Variants in SLAIN2 observed in about 807,000 individuals in gnomAD.
The protein encoded by SLAIN2 is SLAIN motif-containing protein 2.
SLAIN2 carries 31 observed loss-of-function variants against 56.6 expected under a neutral mutation model. That is an observed-to-expected ratio of 0.55 (90% CI 0.41 to 0.74). SLAIN2 has a LOEUF of 0.74. Among genes scored for constraint, SLAIN2 ranks in the 30% least tolerant of loss-of-function variants. The pLI, the probability that SLAIN2 is intolerant of heterozygous loss-of-function variation, is 0.00. For missense variants in SLAIN2, 777 were observed against 754.2 expected (o/e 1.03, Z -0.35); for synonymous variants, 317 against 284.9 (o/e 1.11, Z -1.13).
chr4:48,362,747 ATTC>A (rs1715365611), intron 1 of SLAIN2, among the ~76,000 whole-genome samples: 2 of 51,528 alleles, frequency 3.9e-5, no homozygotes, highest in Non-Finnish European at 8.5e-5. Flanking sequence ...TTTTTTTTTT[ATTC>A]TTTTTTTTTT....
chr4:48,414,820 G>C (rs1436849385), intron 6 of SLAIN2, among the ~76,000 whole-genome samples: 1 of 56,844 alleles, frequency 1.8e-5, no homozygotes, highest in Non-Finnish European at 3.4e-5. Flanking sequence ...TTGGTTTTTT[G>C]TTCTTGCGAT....
At chr4:48,398,539 C>CT (rs1450101645) in intron 6 of SLAIN2, among the ~76,000 whole-genome samples, 2 of 152,274 alleles carry the variant, frequency 1.3e-5, no homozygotes, top group South Asian at 4.1e-4. Context: ...GTTGCAATTG[C>CT]TTTTGGCATT....
chr4:48,393,386 T>TTGTGTGTGTGTGTGTGTGTGTGTG (rs57142552), intron 6 of SLAIN2, among the ~76,000 whole-genome samples: 32 of 135,344 alleles, frequency 2.4e-4, no homozygotes, highest in Non-Finnish European at 4.2e-4. Flanking sequence ...CATGTCTGGC[T>TTGTGTGTGTGTGTGTGTGTGTGTG]TGTGTGTGTG....
intron 6 of SLAIN2, among the ~76,000 whole-genome samples, chr4:48,393,213 AAATACAAAAATT>A (rs1353130899): frequency 6.6e-6 from 1 of 152,042 alleles, no homozygotes; most frequent in Non-Finnish European, 1.5e-5. Flanking sequence ...TCTCTACTAA[AAATACAAAAATT>A]AATACAAAAA....
intron 2 of SLAIN2, among the ~76,000 whole-genome samples, chr4:48,372,971 C>G (rs1014653327): frequency 6.6e-6 from 1 of 152,008 alleles, no homozygotes; most frequent in African/African-American, 2.4e-5. Flanking sequence ...GTTATTACTC[C>G]TTCACACTCA....
chr4:48,421,283 A>G (rs1717151061), intron 7 of SLAIN2, among the ~76,000 whole-genome samples: 1 of 152,148 alleles, frequency 6.6e-6, no homozygotes, highest in Admixed American at 6.5e-5. Flanking sequence ...CTGGGATTAC[A>G]GTTGCTGGTT....
chr4:48,397,383 A>G (rs780806514), intron 6 of SLAIN2, among the ~76,000 whole-genome samples: 1 of 152,166 alleles, frequency 6.6e-6, no homozygotes, highest in Admixed American at 6.5e-5. Context: ...TACAGAAGGA[A>G]AGAGGCAACT....
chr4:48,390,640 A>G (rs188601550), intron 6 of SLAIN2, among the ~76,000 whole-genome samples: 3 of 152,346 alleles, frequency 2.0e-5, no homozygotes, highest in Admixed American at 2.0e-4. Context: ...TAAAATCAAC[A>G]TTATAATACA....
chr4:48,386,107 A>AAC (rs1560459322), intron 6 of SLAIN2, among the ~76,000 whole-genome samples: 2 of 147,148 alleles, frequency 1.4e-5, no homozygotes, highest in African/African-American at 2.5e-5. Flanking sequence ...AAAAAAAAAA[A>AAC]AAGCTACGAA....
chr4:48,419,471 G>A (rs572188390), intron 6 of SLAIN2, among the ~76,000 whole-genome samples: 1 of 152,224 alleles, frequency 6.6e-6, no homozygotes, highest in Admixed American at 6.5e-5. Flanking sequence ...CATCATCTCG[G>A]CTCACTGCAG....
intron 1 of SLAIN2, among the ~76,000 whole-genome samples, chr4:48,368,050 G>GTTTTTTTTTTTTTTTTTTTTTTTTTTTT (rs1466698335): frequency 3.5e-5 from 1 of 28,534 alleles, no homozygotes; most frequent in African/African-American, 3.5e-4. Context: ...TGTTTTTGAG[G>GTTTTTTTTTTTTTTTTTTTTTTTTTTTT]CTTTTTTTTT....
chr4:48,360,899 C>T (rs534755153), intron 1 of SLAIN2, among the ~76,000 whole-genome samples: 1 of 152,286 alleles, frequency 6.6e-6, no homozygotes, highest in Non-Finnish European at 1.5e-5. Flanking sequence ...TTTTACTTAG[C>T]ATAATGTTTG....
chr4:48,425,064 T>C lies in SLAIN2; in HGVS notation c.*2987T>C, dbSNP rs1717265497. The C allele has an allele frequency of 6.6e-6, 1 of 152,164 alleles. No individual in the cohort carries two copies. Among genetic ancestry groups the C allele is most frequent in the Admixed American group, 6.5e-5 (1 of 15,282 alleles). The allele number at this position is 152,164 out of a possible 1,614,324, so 9.4% of individuals were successfully genotyped here. A position where few individuals can be genotyped will look rare whatever the true frequency, so the allele number is the denominator to read the frequency against. On this transcript the variant is annotated 3_prime_UTR_variant, in exon 8 of 8. Transcript: ENST00000264313. ...TAATCTCTGGATATGGTAAGATTCC[T>C]TTTTTCCTCTCAGTTGCCTACACTT...
At chr4:48,391,364 C>T (rs1716232405) in intron 6 of SLAIN2, among the ~76,000 whole-genome samples, 1 of 152,000 alleles carries the variant, frequency 6.6e-6, no homozygotes, top group Admixed American at 6.5e-5. Flanking sequence ...ACATGAAGTG[C>T]GGTATTTATT....
At chr4:48,343,696 G>A (rs1714787182) in intron 1 of SLAIN2, among the ~76,000 whole-genome samples, 1 of 152,156 alleles carries the variant, frequency 6.6e-6, no homozygotes, top group Admixed American at 6.5e-5. Context: ...GGCATTTTAT[G>A]CTCTTGACAG....
At chr4:48,394,759 C>A in intron 6 of SLAIN2, 1 of 773,904 alleles carries the variant, frequency 1.3e-6, no homozygotes, top group Non-Finnish European at 2.0e-6. Flanking sequence ...ACATTTTAGT[C>A]TTATTTTAAA....
chr4:48,370,268 A>G (rs1333008803), intron 2 of SLAIN2, among the ~76,000 whole-genome samples: 1 of 152,212 alleles, frequency 6.6e-6, no homozygotes, highest in Non-Finnish European at 1.5e-5. Flanking sequence ...CTTTTTTCTA[A>G]TACAAGTTAA....
chr4:48,375,941 AGTT>A (rs1169152402), intron 2 of SLAIN2, among the ~76,000 whole-genome samples: 1 of 152,220 alleles, frequency 6.6e-6, no homozygotes, highest in Non-Finnish European at 1.5e-5. Context: ...AGTTTCTCTC[AGTT>A]GTAATGAATT....
chr4:48,417,617 C>T (rs1251914762), intron 6 of SLAIN2, among the ~76,000 whole-genome samples: 3 of 125,100 alleles, frequency 2.4e-5, no homozygotes, highest in Non-Finnish European at 5.1e-5. Flanking sequence ...TACTGGCAAA[C>T]CGAATCCAGC....
Sources: gnomAD v4.1 joint callset for allele counts (sites outside exome capture counted in the v4.1 genomes callset) on GRCh38, gnomAD v4.1.1 for gene constraint, MANE v1.5 for transcripts, NCBI Gene and HGNC (gene_info 2026-07-23, HGNC 2026-07-21) for gene names.